The following CUX2 variants were observed in gnomAD, a reference collection of about 807,000 sequenced individuals.
CUX2 encodes homeobox protein cut-like 2.
Under a neutral mutation model 144.8 loss-of-function variants are expected in CUX2, and 40 were observed. The observed-to-expected ratio is 0.28, with a 90% CI of 0.21 to 0.36. The LOEUF is 0.36. CUX2 is among the 10% of genes least tolerant of loss of function. The pLI, the probability that CUX2 is intolerant of heterozygous loss-of-function variation, is 1.00. For missense variants in CUX2, 1,615 were observed against 1,994.0 expected (o/e 0.81, Z 3.62); for synonymous variants, 827 against 875.6 (o/e 0.94, Z 0.98).
chr12:111,156,985 C>CAAAAAAAAAAAAAAAAAAAAAACAAA, intron 1 of CUX2, among the ~76,000 whole-genome samples: 1 of 19,000 alleles, frequency 5.3e-5, no homozygotes, highest in Non-Finnish European at 8.8e-5. Flanking sequence ...AAACTTCTCT[C>CAAAAAAAAAAAAAAAAAAAAAACAAA]AAAAAAAAAA....
intron 9 of CUX2, among the ~76,000 whole-genome samples, chr12:111,299,592 C>T (rs1008801699): frequency 6.6e-6 from 1 of 152,150 alleles, no homozygotes; most frequent in East Asian, 1.9e-4. Flanking sequence ...GCTAGGTTAC[C>T]GTGGTGGTGG....
intron 4 of CUX2, among the ~76,000 whole-genome samples, chr12:111,283,508 C>T (rs528431370): frequency 6.6e-6 from 1 of 152,258 alleles, no homozygotes; most frequent in East Asian, 1.9e-4. Context: ...CCACAGATGA[C>T]GGGCACTGAA....
intron 2 of CUX2, 150 bp from the exon 3 acceptor site, chr12:111,217,740 C>T (rs1272603281): frequency 2.1e-5 from 16 of 779,562 alleles, no homozygotes; most frequent in East Asian, 2.0e-4. Context: ...CCCCTGTTTG[C>T]GTGTGTCCCT....
intron 1 of CUX2, among the ~76,000 whole-genome samples, chr12:111,130,607 T>A (rs971361790): frequency 2.8e-4 from 43 of 152,082 alleles, no homozygotes; most frequent in African/African-American, 1.0e-3. Context: ...CCCCAAAAAA[T>A]TTATTTCTCA....
intron 1 of CUX2, among the ~76,000 whole-genome samples, chr12:111,069,297 C>T (rs1871153335): frequency 6.6e-6 from 1 of 152,174 alleles, no homozygotes; most frequent in African/African-American, 2.4e-5. Context: ...GCTGACCCTT[C>T]CTCTCAGCCC....
chr12:111,204,701 A>C (rs929331640), intron 1 of CUX2, among the ~76,000 whole-genome samples: 1 of 152,216 alleles, frequency 6.6e-6, no homozygotes, highest in African/African-American at 2.4e-5. Context: ...CTCCCTCAAC[A>C]GATGTTTCTA....
chr12:111,133,735 C>T (rs1002198096), intron 1 of CUX2, among the ~76,000 whole-genome samples: 3 of 152,120 alleles, frequency 2.0e-5, no homozygotes, highest in Non-Finnish European at 4.4e-5. Context: ...CTTTAGGAGA[C>T]TTAGGATTGT....
intron 3 of CUX2, among the ~76,000 whole-genome samples, chr12:111,262,525 C>T (rs1337527029): frequency 1.3e-5 from 2 of 151,764 alleles, no homozygotes; most frequent in Non-Finnish European, 2.9e-5. Flanking sequence ...ACAACAGGCA[C>T]GAGCCACCCT....
intron 16 of CUX2, among the ~76,000 whole-genome samples, chr12:111,313,348 C>T (rs2136381086): frequency 6.6e-6 from 1 of 150,648 alleles, no homozygotes; most frequent in Middle Eastern, 3.4e-3. Flanking sequence ...GGATTACAGG[C>T]GTGAGCCACC....
rs540491261 is a variant in CUX2 at position 111,320,540 on chromosome 12, A to G, written c.2531A>G (p.Asp844Gly). Reference protein sequence around the residue: ...PEDEAAAGAEDEPPRTGELKA... With the variant: ...PEDEAAAGAEGEPPRTGELKA... ...GACGAGGCGGCGGCAGGGGCGGAGG[A>G]CGAACCCCCCAGGACGGGCGAGCTC... The change falls in exon 17 of 22, where the codon GAC becomes GGC. Residue 844 changes from aspartate to glycine, a missense_variant. This residue lies in a region of CUX2 where 390 missense variants were observed against 387.1 expected (regional missense o/e 1.01). Transcript: ENST00000261726. The surrounding 1 kb of genome is among the most constrained non-coding windows in gnomAD (Gnocchi z 8.1). 23 of 1,552,000 alleles carry G rather than the reference A, an allele frequency of 1.5e-5. No homozygotes were observed. In the East Asian group the frequency reaches 3.8e-4, roughly 26 times the overall value.
intron 1 of CUX2, among the ~76,000 whole-genome samples, chr12:111,036,128 C>G (rs1936382974): frequency 6.6e-6 from 1 of 152,160 alleles, no homozygotes; most frequent in African/African-American, 2.4e-5. Flanking sequence ...GAACGTGGCA[C>G]ACAAGAGGAG....
intron 3 of CUX2, among the ~76,000 whole-genome samples, chr12:111,243,080 C>T (rs916944553): frequency 5.9e-5 from 9 of 152,138 alleles, no homozygotes; most frequent in Non-Finnish European, 8.8e-5. Flanking sequence ...ATATGTGCCA[C>T]ATTTTCTTTA....
chr12:111,188,122 G>A (rs1483722930), intron 1 of CUX2, among the ~76,000 whole-genome samples: 2 of 152,204 alleles, frequency 1.3e-5, no homozygotes, highest in South Asian at 2.1e-4. Flanking sequence ...TGCATCATTT[G>A]GCTCTCCAGG....
At chr12:111,175,662 C>T (rs534111072) in intron 1 of CUX2, among the ~76,000 whole-genome samples, 3 of 152,128 alleles carry the variant, frequency 2.0e-5, no homozygotes, top group African/African-American at 7.2e-5. Context: ...GGACTGCCTC[C>T]CTGGCAATAA....
At chr12:111,126,456 T>C (rs1257074575) in intron 1 of CUX2, among the ~76,000 whole-genome samples, 1 of 152,164 alleles carries the variant, frequency 6.6e-6, no homozygotes, top group Non-Finnish European at 1.5e-5. Flanking sequence ...AATTCCACTC[T>C]GAAGGCCAGC....
At chr12:111,066,207 G>A (rs1871012421) in intron 1 of CUX2, among the ~76,000 whole-genome samples, 1 of 152,194 alleles carries the variant, frequency 6.6e-6, no homozygotes, top group African/African-American at 2.4e-5. Context: ...GTCTGAGTGA[G>A]TTCCCTCTTC....
At chr12:111,203,418 G>A (rs1045245445) in intron 1 of CUX2, among the ~76,000 whole-genome samples, 3 of 151,780 alleles carry the variant, frequency 2.0e-5, no homozygotes, top group South Asian at 2.1e-4. Flanking sequence ...GGTGGAGCAC[G>A]CCAGTAGTCC....
intron 1 of CUX2, among the ~76,000 whole-genome samples, chr12:111,144,092 G>T (rs1876508573): frequency 6.6e-6 from 1 of 152,168 alleles, no homozygotes; most frequent in African/African-American, 2.4e-5. Flanking sequence ...CCTGGTGCCT[G>T]TACTGCTGTA....
At chr12:111,070,919 A>C (rs1443586235) in intron 1 of CUX2, among the ~76,000 whole-genome samples, 1 of 152,076 alleles carries the variant, frequency 6.6e-6, no homozygotes, top group Non-Finnish European at 1.5e-5. Context: ...AGATTCTTCC[A>C]TGTGTTTTCC....
Sources: gnomAD v4.1 joint callset for allele counts (sites outside exome capture counted in the v4.1 genomes callset) on GRCh38, gnomAD v4.1.1 for gene constraint, gnomAD v4.1.1 regional missense constraint, Gnocchi (gnomAD v3.1) non-coding constraint, MANE v1.5 for transcripts, NCBI Gene and HGNC (gene_info 2026-07-23, HGNC 2026-07-21) for gene names.